The following TMEM266 variants were observed in gnomAD, a reference collection of about 807,000 sequenced individuals.
TMEM266 encodes the protein transmembrane protein 266.
A neutral mutation model predicts 50.5 loss-of-function variants in TMEM266; 33 were observed. The ratio of observed to expected loss-of-function variants is 0.65; its 90% confidence interval spans 0.50 to 0.87. The LOEUF (loss-of-function observed/expected upper bound fraction) is 0.87. Ranked by LOEUF, TMEM266 falls within the 40% of genes least tolerant of loss-of-function variation. TMEM266 has a pLI of 0.00. For missense variants in TMEM266, 655 were observed against 695.1 expected, an observed-to-expected ratio of 0.94 and a Z score of 0.65; for synonymous variants, 310 against 292.3, an observed-to-expected ratio of 1.06 and a Z score of -0.62.
Position 76,160,803 on chromosome 15 carries a change from C to G in TMEM266, c.456+635C>G, listed in dbSNP as rs2038007202. ...GGAGTCGGCTAGTAGAGACCAAGTGCGAATCTCTGTGGTGAGGGGAGGGGG... is the reference window on the plus strand; with the variant it reads ...GGAGTCGGCTAGTAGAGACCAAGTGGGAATCTCTGTGGTGAGGGGAGGGGG... On this transcript the variant is annotated intron_variant, in intron 5 of 10. Transcript: ENST00000388942. This position sits in a 1 kb window ranked among gnomAD's most constrained non-coding sequence, Gnocchi z 5.7. Among the ~76,000 whole-genome samples the G allele has an allele frequency of 6.6e-6, 1 of 151,988 alleles. No individual in the cohort carries two copies. Among genetic ancestry groups the G allele is most frequent in the African/African-American group, 2.4e-5 (1 of 41,368 alleles).
chr15:76,137,331 A>G (rs528459326), intron 2 of TMEM266, among the ~76,000 whole-genome samples: 1 of 152,332 alleles, frequency 6.6e-6, no homozygotes, highest in Admixed American at 6.5e-5. Context: ...TTAAAAGAAT[A>G]TCTTACTCCC....
At chr15:76,067,002 A>G (rs1279185613) in intron 1 of TMEM266, among the ~76,000 whole-genome samples, 1 of 152,122 alleles carries the variant, frequency 6.6e-6, no homozygotes, top group East Asian at 1.9e-4. Flanking sequence ...CAGTGGTGAC[A>G]ACCAAAAATG....
At chr15:76,096,370 C>T (rs958643477) in intron 1 of TMEM266, among the ~76,000 whole-genome samples, 3 of 151,952 alleles carry the variant, frequency 2.0e-5, no homozygotes, top group African/African-American at 7.2e-5. Context: ...ATTATTTACC[C>T]AGTAGTCATT....
At chr15:76,190,015 G>T (rs2038544034) in intron 8 of TMEM266, among the ~76,000 whole-genome samples, 2 of 152,240 alleles carry the variant, frequency 1.3e-5, no homozygotes, top group Admixed American at 1.3e-4. Context: ...CCACCCTGTT[G>T]TTGGTGAATG....
chr15:76,175,076 ACT>A (rs1476550403), intron 7 of TMEM266: 1 of 156,542 alleles, frequency 6.4e-6, no homozygotes, highest in Non-Finnish European at 1.4e-5. Context: ...TCTGTTTAAC[ACT>A]CTGAAAAACG....
chr15:76,091,306 G>A (rs1003485642), intron 1 of TMEM266, among the ~76,000 whole-genome samples: 2 of 150,370 alleles, frequency 1.3e-5, no homozygotes, highest in African/African-American at 4.8e-5. Context: ...TCAACAAAGA[G>A]GAAGACATGG....
intron 1 of TMEM266, among the ~76,000 whole-genome samples, chr15:76,126,879 A>G (rs2142023618): frequency 6.6e-6 from 1 of 152,178 alleles, no homozygotes; most frequent in Admixed American, 6.5e-5. Context: ...TAGTAACAAG[A>G]GAGTAGAATG....
chr15:76,104,737 G>A (rs895202797), intron 1 of TMEM266, among the ~76,000 whole-genome samples: 2 of 152,188 alleles, frequency 1.3e-5, no homozygotes, highest in Non-Finnish European at 2.9e-5. Flanking sequence ...GGCGTTGGAT[G>A]TGTGAGGAGA....
chr15:76,125,892 G>A (rs2037415781), intron 1 of TMEM266, among the ~76,000 whole-genome samples: 1 of 150,076 alleles, frequency 6.7e-6, no homozygotes, highest in Non-Finnish European at 1.5e-5. Context: ...GGATGGCAAA[G>A]GTCCTGAATA....
At chr15:76,092,970 A>G (rs1259339195) in intron 1 of TMEM266, among the ~76,000 whole-genome samples, 2 of 150,666 alleles carry the variant, frequency 1.3e-5, no homozygotes, top group African/African-American at 4.9e-5. Flanking sequence ...ACCACACCCA[A>G]CTAATTTTTG....
At chr15:76,162,531 G>A (rs568684952) in intron 5 of TMEM266, among the ~76,000 whole-genome samples, 3 of 152,212 alleles carry the variant, frequency 2.0e-5, no homozygotes, top group Non-Finnish European at 2.9e-5. Context: ...CTCAGTGTCC[G>A]TCAGTGGTGG....
At chr15:76,144,253 C>G (rs1027803147) in intron 3 of TMEM266, among the ~76,000 whole-genome samples, 1 of 152,020 alleles carries the variant, frequency 6.6e-6, no homozygotes, top group African/African-American at 2.4e-5. Flanking sequence ...CTCATTTTAA[C>G]AAGCACCTAC....
intron 1 of TMEM266, among the ~76,000 whole-genome samples, chr15:76,122,648 A>T (rs1347569825): frequency 6.6e-6 from 1 of 152,242 alleles, no homozygotes; most frequent in African/African-American, 2.4e-5. Context: ...GGTTAGAGAT[A>T]CTGGGACAGC....
At chr15:76,115,753 T>C (rs1041290367) in intron 1 of TMEM266, among the ~76,000 whole-genome samples, 8 of 149,322 alleles carry the variant, frequency 5.4e-5, no homozygotes, top group African/African-American at 2.1e-4. Flanking sequence ...CTTTTCGTAT[T>C]TGTGGCCATC....
chr15:76,189,407 C>T (rs1021677049), intron 8 of TMEM266, among the ~76,000 whole-genome samples: 1 of 151,990 alleles, frequency 6.6e-6, no homozygotes, highest in Non-Finnish European at 1.5e-5. Context: ...GAAGGAAGGC[C>T]TCTTTAAGTC....
At position 76,156,614 on chromosome 15, in the gene TMEM266, C is replaced by A. The variant is rs1178787685; in HGVS notation, c.238C>A (p.Leu80Met). 4.3e-6 allele frequency: 7 copies of A among 1,613,868 alleles called. No homozygotes were observed. Among genetic ancestry groups the A allele is most frequent in the African/African-American group, 1.3e-5 (1 of 74,952 alleles). ...CTTTTGTCCCCACAGGTCTAACTGG[C>A]TGAAGCCGTGCTGTGGGAAGAGAGC... is the stretch of plus-strand genomic sequence containing the variant. The change falls in exon 4 of 11, where the codon CTG becomes ATG. Residue 80 changes from leucine to methionine, a missense_variant. Coordinates refer to ENST00000388942, the MANE Select transcript of TMEM266 (RefSeq NM_152335.3).
chr15:76,101,981 C>T (rs1475422769), intron 1 of TMEM266, among the ~76,000 whole-genome samples: 4 of 152,218 alleles, frequency 2.6e-5, no homozygotes, highest in African/African-American at 9.6e-5. Context: ...CTTCCTCCTA[C>T]TGCATACAGA....
chr15:76,177,786 C>G (rs968789569), intron 8 of TMEM266, among the ~76,000 whole-genome samples: 1 of 152,208 alleles, frequency 6.6e-6, no homozygotes, highest in African/African-American at 2.4e-5. Flanking sequence ...GGGCTTGTGC[C>G]GGGCATGTGG....
At position 76,192,117 on chromosome 15, in the gene TMEM266, G is replaced by A. The variant is rs190417970; in HGVS notation, c.918G>A (p.Thr306=). Residue 306 remains threonine, a synonymous_variant, in exon 9 of 11, where the codon ACG becomes ACA. Coordinates refer to ENST00000388942, the MANE Select transcript of TMEM266 (RefSeq NM_152335.3). ...AGGCCGGCACGTGGGACGAGGAGACGGCGGCCGAGAGCGTCGTGGAGGAGC... is the reference window on the plus strand; with the variant it reads ...AGGCCGGCACGTGGGACGAGGAGACAGCGGCCGAGAGCGTCGTGGAGGAGC... The A allele has an allele frequency of 2.9e-4, 417 of 1,416,154 alleles. 3 individuals carry two copies. The South Asian group carries it at 3.2e-3, about 11-fold the overall frequency. 87.7% of individuals were successfully genotyped at this position (1,416,154 alleles called of 1,614,324 possible). A position where few individuals can be genotyped will look rare whatever the true frequency, so the allele number is the denominator to read the frequency against.
Sources: allele counts gnomAD v4.1 joint callset (sites outside exome capture counted in the v4.1 genomes callset), GRCh38; gene constraint gnomAD v4.1.1; non-coding constraint Gnocchi (gnomAD v3.1); transcripts MANE v1.5; gene names NCBI Gene and HGNC (gene_info 2026-07-23, HGNC 2026-07-21).